Variants in LMF1 observed in about 807,000 individuals in gnomAD.
The protein encoded by LMF1 is lipase maturation factor 1, also known as transmembrane protein 112.
LMF1 carries 68 observed loss-of-function variants against 60.6 expected under a neutral mutation model. That is an observed-to-expected ratio of 1.12 (90% CI 0.92 to 1.37). The LOEUF (loss-of-function observed/expected upper bound fraction) is 1.37. Ranked by LOEUF, LMF1 falls within the 40% of genes most tolerant of loss-of-function variation. The probability of loss-of-function intolerance (pLI) is 0.00; values close to 1 mark genes in which losing one functional copy is unlikely to be tolerated. For synonymous variants in LMF1, 418 were observed against 324.7 expected (o/e 1.29, Z -3.09); for missense variants, 948 against 767.2 (o/e 1.24, Z -2.78).
At chr16:978,962 A>C (rs1235094623) in intron 1 of LMF1, 1 of 453,786 alleles carries the variant, frequency 2.2e-6, no homozygotes, top group East Asian at 6.9e-5. Context: ...AATGACACCA[A>C]AGATGCTTTC....
At chr16:966,106 C>T (rs141157647) in intron 1 of LMF1, among the ~76,000 whole-genome samples, 12 of 152,232 alleles carry the variant, frequency 7.9e-5, no homozygotes, top group African/African-American at 1.9e-4. Flanking sequence ...TCGGCAGCCA[C>T]GGAGAGAACA....
At chr16:924,980 C>T (rs888769856) in intron 3 of LMF1, among the ~76,000 whole-genome samples, 4 of 152,348 alleles carry the variant, frequency 2.6e-5, no homozygotes, top group South Asian at 2.1e-4. Flanking sequence ...CTGTGCCCTC[C>T]AGCCGGCAGC....
At chr16:918,018 T>C (rs555898574) in intron 3 of LMF1, among the ~76,000 whole-genome samples, 31 of 152,304 alleles carry the variant, frequency 2.0e-4, no homozygotes, top group African/African-American at 6.7e-4. Context: ...GCTGGGGACA[T>C]GGCGTCGGGA....
intron 1 of LMF1, among the ~76,000 whole-genome samples, chr16:977,784 G>T (rs1214297776): frequency 6.6e-6 from 1 of 151,824 alleles, no homozygotes; most frequent in Non-Finnish European, 1.5e-5. Flanking sequence ...TCCCTGGGCA[G>T]CCCTGCTTCC....
Position 855,503 on chromosome 16 carries a change from A to G in LMF1, c.1530-797T>C, listed in dbSNP as rs1424985889. Reference sequence around the variant, plus strand: ...CTGGGCATTTTCTCCTGGGGGTGGGACGAAGCCCCCTCATGTCCAGGGTTG... The same window carrying G: ...CTGGGCATTTTCTCCTGGGGGTGGGGCGAAGCCCCCTCATGTCCAGGGTTG... On this transcript the variant is annotated intron_variant, in intron 10 of 10. Coordinates refer to ENST00000262301, the MANE Select transcript of LMF1 (RefSeq NM_022773.4). 4 of 357,922 alleles carry G rather than the reference A, an allele frequency of 1.1e-5. No individual in the cohort carries two copies. In the East Asian group the frequency reaches 2.9e-4, roughly 26 times the overall value. The allele number at this position is 357,922 out of a possible 1,614,324, so 22.2% of individuals were successfully genotyped here. A position where few individuals can be genotyped will look rare whatever the true frequency, so the allele number is the denominator to read the frequency against.
chr16:885,499 G>A lies in LMF1; in HGVS notation c.730-5762C>T, dbSNP rs145902286. On this transcript the variant is annotated intron_variant, in intron 5 of 10. Transcript: ENST00000262301. ...AGCATACGCCAGCTCTAAGAGATCCGCTTCAAACACAAAGACACACACAGG... is the reference window on the plus strand; with the variant it reads ...AGCATACGCCAGCTCTAAGAGATCCACTTCAAACACAAAGACACACACAGG... 1.4e-3 allele frequency among the ~76,000 whole-genome samples: 216 copies of A among 152,254 alleles called. 2 individuals carry two copies. Among genetic ancestry groups the A allele is most frequent in the South Asian group, 5.2e-3 (25 of 4,816 alleles).
At chr16:872,915 A>G (rs11248954) in intron 6 of LMF1, 14,907 of 152,296 alleles carry the variant, frequency 0.098, 2,286 homozygotes, top group African/African-American at 0.33. Context: ...AGCCCTGAGC[A>G]CCTGCCTGCC....
At chr16:954,317 G>T (rs777679105) in intron 2 of LMF1, 40 bp downstream of exon 2, 2 of 1,588,162 alleles carry the variant, frequency 1.3e-6, no homozygotes, top group Admixed American at 1.7e-5. Flanking sequence ...CTGAGTGACA[G>T]CAAGCCCTAA....
intron 2 of LMF1, chr16:947,717 G>T (rs2072273238): frequency 2.6e-6 from 1 of 385,752 alleles, no homozygotes; most frequent in Non-Finnish European, 5.1e-6. Flanking sequence ...AAAGCAGCCT[G>T]CAGGGCCACT....
chr16:923,532 G>A (rs952460256), intron 3 of LMF1, among the ~76,000 whole-genome samples: 1 of 152,176 alleles, frequency 6.6e-6, no homozygotes, highest in Non-Finnish European at 1.5e-5. Flanking sequence ...CACAGCTTGA[G>A]CCCAGTAGGT....
In LMF1 at chr16:854,317, G is replaced by A. The variant is rs754078166; in HGVS notation, c.*215C>T. The A allele has an allele frequency of 1.4e-5, 10 of 694,706 alleles. No individual in the cohort carries two copies. In the South Asian group the frequency reaches 1.5e-4, roughly 10 times the overall value. 43.0% of individuals were successfully genotyped at this position (694,706 alleles called of 1,614,324 possible). On this transcript the variant is annotated 3_prime_UTR_variant, in exon 11 of 11. Coordinates refer to ENST00000262301, the MANE Select transcript of LMF1 (RefSeq NM_022773.4). ...GCCCCTGGCGCCTGGGACAAGGGTT[G>A]GCCTGGATGTGGGGCCCCAGGTGGG...
At position 859,391 on chromosome 16, in the gene LMF1, G is replaced by C. The variant is rs1320612455; in HGVS notation, c.1530-4685C>G. ...AGTGGTGTCTCGGGATGGGTGTGCA[G>C]TGGTGTCTCGGGAGGGGTGTGCAGT... is the stretch of plus-strand genomic sequence containing the variant. On this transcript the variant is annotated intron_variant, in intron 10 of 10. Coordinates refer to ENST00000262301, the MANE Select transcript of LMF1 (RefSeq NM_022773.4). Among the ~76,000 whole-genome samples the C allele has an allele frequency of 6.8e-3, 21 of 3,066 alleles. 5 individuals are homozygous for C. The highest frequency in any genetic ancestry group is 9.9e-3 in the Non-Finnish European group (19 of 1,928). 2.0% of individuals were successfully genotyped at this position (3,066 alleles called of 152,430 possible).
chr16:855,460 C>G (rs1001585512), intron 10 of LMF1: 13 of 356,160 alleles, frequency 3.7e-5, no homozygotes, highest in Non-Finnish European at 7.2e-5. Context: ...GGCAAGCCCT[C>G]ACTGGACTCT....
intron 2 of LMF1, among the ~76,000 whole-genome samples, chr16:949,823 CAGAGACAACGACAGAGTT>C (rs1385806171): frequency 1.8e-5 from 2 of 111,738 alleles, no homozygotes; most frequent in Non-Finnish European, 3.4e-5. Context: ...ATGACAGAGT[CAGAGACAACGACAGAGTT>C]AGAGACAACG....
upstream of LMF1, chr16:981,345 A>AGTGTGTGTGT (rs1387318122): frequency 5.3e-6 from 1 of 187,128 alleles, no homozygotes; most frequent in Non-Finnish European, 1.0e-5. Flanking sequence ...AGAGAGAGAG[A>AGTGTGTGTGT]GAGTGTGTGT....
rs570160276 is a variant in LMF1 at position 980,343 on chromosome 16, A to C, written c.-135+802T>G. The C allele has an allele frequency of 3.2e-5, 5 of 153,940 alleles. No individual in the cohort carries two copies. The East Asian group carries it at 9.7e-4, about 30-fold the overall frequency. 9.5% of individuals were successfully genotyped at this position (153,940 alleles called of 1,614,324 possible). ...CGGCCGGGCCAGAACAGGGGGTAGG[A>C]GGCGCGTCCTGTGCGGTCGGTGGCG... On this transcript the variant is annotated intron_variant, in intron 1 of 6. Coordinates refer to the LMF1 transcript ENST00000570014.
upstream of LMF1, chr16:981,343 AGAGAGTGTGTGTGTGTGTGT>A: frequency 4.3e-6 from 1 of 232,502 alleles, no homozygotes; most frequent in African/African-American, 4.0e-5. Flanking sequence ...AGAGAGAGAG[AGAGAGTGTGTGTGTGTGTGT>A]GTGTGTGTGT....
At chr16:876,145 A>C (rs1351387578) in intron 6 of LMF1, among the ~76,000 whole-genome samples, 6 of 152,228 alleles carry the variant, frequency 3.9e-5, no homozygotes, top group Non-Finnish European at 8.8e-5. Context: ...TGAGTGGAGA[A>C]ACAAACCGGG....
chr16:907,953 G>T (rs996969476), intron 4 of LMF1, among the ~76,000 whole-genome samples: 16 of 152,208 alleles, frequency 1.1e-4, no homozygotes, highest in Non-Finnish European at 2.2e-4. Flanking sequence ...AGGCATTGTG[G>T]GAGCTGTTCA....
Sources: gnomAD v4.1 joint callset for allele counts (sites outside exome capture counted in the v4.1 genomes callset) on GRCh38, gnomAD v4.1.1 for gene constraint, MANE v1.5 for transcripts, NCBI Gene and HGNC (gene_info 2026-07-23, HGNC 2026-07-21) for gene names.